Variants in LOC128092253 observed in about 807,000 individuals in gnomAD.
chr6:133,975,184 G>A, the LOC128092253 span, among the ~76,000 whole-genome samples: 14 of 152,002 alleles, frequency 9.2e-5, no homozygotes, highest in Admixed American at 8.5e-4. Context: ...CAAGATTGAC[G>A]AGAGCAATAA....
the LOC128092253 span, among the ~76,000 whole-genome samples, chr6:133,955,666 A>G: frequency 3.3e-5 from 5 of 152,258 alleles, no homozygotes; most frequent in African/African-American, 1.2e-4. Context: ...TGAACTTAGC[A>G]GAATGAAAGA....
At chr6:133,976,118 G>A in the LOC128092253 span, among the ~76,000 whole-genome samples, 1 of 152,072 alleles carries the variant, frequency 6.6e-6, no homozygotes, top group African/African-American at 2.4e-5. Flanking sequence ...TTGTGTCAAA[G>A]GGCTTGTAGG....
the LOC128092253 span, among the ~76,000 whole-genome samples, chr6:133,956,917 T>G: frequency 6.6e-6 from 1 of 152,258 alleles, no homozygotes; most frequent in Non-Finnish European, 1.5e-5. Flanking sequence ...TCTGAGGTTT[T>G]TCCAGGCTAC....
chr6:133,971,649 CATT>C, the LOC128092253 span, among the ~76,000 whole-genome samples: 1 of 151,878 alleles, frequency 6.6e-6, no homozygotes, highest in African/African-American at 2.4e-5. Flanking sequence ...GGTGGTATCT[CATT>C]GTGGTTTTGA....
the LOC128092253 span, among the ~76,000 whole-genome samples, chr6:133,965,712 T>A: frequency 6.6e-6 from 1 of 152,164 alleles, no homozygotes; most frequent in Non-Finnish European, 1.5e-5. Context: ...CCACTTACTT[T>A]TAAACTTGAA....
chr6:133,954,287 G>A, the LOC128092253 span, among the ~76,000 whole-genome samples: 3 of 152,222 alleles, frequency 2.0e-5, no homozygotes, highest in Non-Finnish European at 4.4e-5. Context: ...TTAGAACAGT[G>A]CCTTAAAACT....
the LOC128092253 span, among the ~76,000 whole-genome samples, chr6:133,965,036 A>C: frequency 6.6e-6 from 1 of 152,194 alleles, no homozygotes; most frequent in African/African-American, 2.4e-5. Flanking sequence ...GAGAGGCTTG[A>C]TCTTGATGCA....
chr6:133,958,137 G>A, the LOC128092253 span, among the ~76,000 whole-genome samples: 8 of 152,322 alleles, frequency 5.3e-5, no homozygotes, highest in South Asian at 4.1e-4. Flanking sequence ...AAGGAAGGCC[G>A]ACAAAGCCTG....
chr6:133,977,158 G>A, the LOC128092253 span, among the ~76,000 whole-genome samples: 7,503 of 151,924 alleles, frequency 0.049, 615 homozygotes, highest in African/African-American at 0.17. Context: ...TTCATGCTTC[G>A]AAAAATGTGA....
the LOC128092253 span, among the ~76,000 whole-genome samples, chr6:133,956,496 A>G: frequency 2.0e-5 from 3 of 152,328 alleles, no homozygotes; most frequent in Admixed American, 6.5e-5. Flanking sequence ...TACTGTCACT[A>G]TTGGTGAATG....
At chr6:133,962,344 A>T in the LOC128092253 span, among the ~76,000 whole-genome samples, 1 of 152,220 alleles carries the variant, frequency 6.6e-6, no homozygotes, top group Non-Finnish European at 1.5e-5. Flanking sequence ...AGAGAGTTCT[A>T]TTAGAAGCCT....
the LOC128092253 span, among the ~76,000 whole-genome samples, chr6:133,976,916 C>A: frequency 1.4e-5 from 2 of 147,116 alleles, no homozygotes; most frequent in Admixed American, 1.4e-4. Flanking sequence ...TGCCGTGAGC[C>A]AAGATCGCGT....
the LOC128092253 span, among the ~76,000 whole-genome samples, chr6:133,964,196 T>A: frequency 6.6e-6 from 1 of 152,172 alleles, no homozygotes; most frequent in Non-Finnish European, 1.5e-5. Context: ...AATTTCAGGT[T>A]TTAAAAATGT....
At chr6:133,953,705 C>T in the LOC128092253 span, among the ~76,000 whole-genome samples, 5 of 151,976 alleles carry the variant, frequency 3.3e-5, no homozygotes, top group Non-Finnish European at 5.9e-5. Context: ...GGAGCGTTAC[C>T]GAGCCTGGTG....
chr6:133,959,206 A>AT, the LOC128092253 span, among the ~76,000 whole-genome samples: 5 of 152,000 alleles, frequency 3.3e-5, no homozygotes, highest in African/African-American at 1.2e-4. Flanking sequence ...CGCCTAGCTA[A>AT]TTTTTATATT....
At chr6:133,967,480 G>A in the LOC128092253 span, among the ~76,000 whole-genome samples, 1 of 152,208 alleles carries the variant, frequency 6.6e-6, no homozygotes, top group Admixed American at 6.5e-5. Context: ...ATCGCTTAAT[G>A]ACAAGGATGT....
At chr6:133,966,719 C>T in the LOC128092253 span, among the ~76,000 whole-genome samples, 1 of 152,182 alleles carries the variant, frequency 6.6e-6, no homozygotes, top group Non-Finnish European at 1.5e-5. Context: ...TGCAGTCATT[C>T]TCCATCTCCC....
the LOC128092253 span, among the ~76,000 whole-genome samples, chr6:133,960,686 G>A: frequency 2.1e-3 from 313 of 152,194 alleles, no homozygotes; most frequent in African/African-American, 7.3e-3. Flanking sequence ...TTTGGGTATA[G>A]AGGAAAAATG....
At chr6:133,980,040 C>T in the LOC128092253 span, 1 of 1,304,704 alleles carries the variant, frequency 7.7e-7, no homozygotes, top group African/African-American at 1.5e-5. Flanking sequence ...AGTGAATTAA[C>T]AACATTTAAG....
Sources: gnomAD v4.1 joint callset for allele counts (sites outside exome capture counted in the v4.1 genomes callset) on GRCh38, gnomAD v4.1.1 for gene constraint, MANE v1.5 for transcripts.